Variants in TOGARAM2 observed in about 807,000 individuals in gnomAD.
TOGARAM2 encodes the protein TOG array regulator of axonemal microtubules 2.
Under a neutral mutation model 93.3 loss-of-function variants are expected in TOGARAM2, and 85 were observed. That is an observed-to-expected ratio of 0.91 (90% CI 0.76 to 1.09). The LOEUF (loss-of-function observed/expected upper bound fraction) is 1.09. Among genes scored for constraint, TOGARAM2 ranks in the 50% least tolerant of loss-of-function variants. The probability of loss-of-function intolerance (pLI) is 0.00; values close to 1 mark genes in which losing one functional copy is unlikely to be tolerated. For missense variants in TOGARAM2, 1,277 were observed against 1,334.5 expected, an observed-to-expected ratio of 0.96 and a Z score of 0.67; for synonymous variants, 593 against 552.8, an observed-to-expected ratio of 1.07 and a Z score of -1.02.
In TOGARAM2 at chr2:29,026,969, A is replaced by T; in HGVS notation, c.1970A>T (p.His657Leu). ...GTRDSTDMLV[H>L]NLVRLAQDSN... Reference sequence around the variant, plus strand: ...AGAGACAGCACAGACATGTTGGTGCACAACCTGGTGAGGCTGGCACAGGAC... The same window carrying T: ...AGAGACAGCACAGACATGTTGGTGCTCAACCTGGTGAGGCTGGCACAGGAC... The change falls in exon 14 of 20, where the codon CAC becomes CTC. Residue 657 changes from histidine (H) to leucine (L), a missense_variant. His to Leu is a moderately conservative substitution (Grantham distance 99). Coordinates refer to ENST00000379558, the MANE Select transcript of TOGARAM2 (RefSeq NM_199280.4). The T allele has an allele frequency of 1.3e-6, 2 of 1,567,778 alleles. No individual in the cohort carries two copies. Among genetic ancestry groups the T allele is most frequent in the Non-Finnish European group, 1.7e-6 (2 of 1,156,196 alleles).
chr2:28,998,916 C>T (rs1163335537), intron 3 of TOGARAM2, among the ~76,000 whole-genome samples: 3 of 152,124 alleles, frequency 2.0e-5, no homozygotes, highest in Non-Finnish European at 2.9e-5. Flanking sequence ...GATTCACGGC[C>T]TCTTGTCTGT....
chr2:29,052,032 A>G lies in TOGARAM2; in HGVS notation c.2999A>G (p.Asp1000Gly). The change falls in exon 20 of 20, where the codon GAC (aspartate) becomes GGC (glycine). Residue 1000 changes from aspartate (D) to glycine (G), a missense_variant. Physicochemically the swap from Asp to Gly is moderately conservative, Grantham distance 94. Transcript: ENST00000379558. ...TTGGGAGGCAGCCGCAAGGCCACTG[A>G]CAGAGGGGTGGCCCCTGACAGCAAG... is the stretch of plus-strand genomic sequence containing the variant. ...ESLGGSRKAT[D>G]RGVAPDSKTT... 1 of 1,611,114 alleles carries G rather than the reference A, an allele frequency of 6.2e-7. No individual in the cohort carries two copies. Among genetic ancestry groups the G allele is most frequent in the Non-Finnish European group, 8.5e-7 (1 of 1,178,022 alleles).
chr2:28,991,295 T>G (rs1481081985), intron 1 of TOGARAM2, among the ~76,000 whole-genome samples: 1 of 152,132 alleles, frequency 6.6e-6, no homozygotes, highest in Non-Finnish European at 1.5e-5. Context: ...CTGGGAGTTC[T>G]GAGTTGGACA....
At chr2:28,972,021 A>T (rs1671952102) in intron 1 of TOGARAM2, among the ~76,000 whole-genome samples, 2 of 152,188 alleles carry the variant, frequency 1.3e-5, no homozygotes, top group South Asian at 4.1e-4. Context: ...GTCGTAATAC[A>T]CAGTGTATAT....
intron 13 of TOGARAM2, 55 bp downstream of exon 13, chr2:29,024,429 G>A: frequency 6.8e-7 from 1 of 1,477,248 alleles, no homozygotes; most frequent in Non-Finnish European, 9.3e-7. Flanking sequence ...GTAAGGCAAG[G>A]GGAGAGGCCC....
intron 1 of TOGARAM2, among the ~76,000 whole-genome samples, chr2:28,960,266 G>A (rs952576038): frequency 2.0e-5 from 3 of 152,152 alleles, no homozygotes; most frequent in African/African-American, 2.4e-5. Context: ...TCAGGGTGAC[G>A]TGCCTACAGA....
chr2:29,018,125 C>A, intron 10 of TOGARAM2, 169 bp downstream of exon 10: 1 of 711,482 alleles, frequency 1.4e-6, no homozygotes. Context: ...GAAACAGTGT[C>A]AGGGACTCAT....
At chr2:28,958,035 A>G (rs886565623) in intron 1 of TOGARAM2, among the ~76,000 whole-genome samples, 2 of 152,198 alleles carry the variant, frequency 1.3e-5, no homozygotes, top group African/African-American at 4.8e-5. Flanking sequence ...AAATTGATCT[A>G]TTAAGAGCCA....
chr2:29,005,813 TGA>T (rs1254028399), intron 6 of TOGARAM2, among the ~76,000 whole-genome samples: 11 of 148,394 alleles, frequency 7.4e-5, no homozygotes, highest in African/African-American at 2.8e-4. Flanking sequence ...TGCATGTGTG[TGA>T]GTGCATGTGT....
upstream of TOGARAM2, among the ~76,000 whole-genome samples, chr2:28,979,051 C>G (rs1285085564): frequency 1.3e-5 from 2 of 152,186 alleles, no homozygotes; most frequent in African/African-American, 4.8e-5. Context: ...GTGTCCCTTT[C>G]TTTCTGAGGT....
At chr2:29,051,529 G>T in intron 19 of TOGARAM2, 1 of 396,688 alleles carries the variant, frequency 2.5e-6, no homozygotes, top group Non-Finnish European at 4.4e-6. Context: ...TTTCTGACTG[G>T]TTGGTATAAG....
intron 1 of TOGARAM2, among the ~76,000 whole-genome samples, 198 bp downstream of exon 1, chr2:28,981,736 C>T (rs1672203074): frequency 6.6e-6 from 1 of 152,240 alleles, no homozygotes; most frequent in Admixed American, 6.5e-5. Context: ...TCTGGGCCTT[C>T]ATGTGGCAGC....
chr2:29,004,904 ATG>A (rs1177887454), intron 6 of TOGARAM2, among the ~76,000 whole-genome samples: 3 of 70,948 alleles, frequency 4.2e-5, no homozygotes, highest in Admixed American at 1.7e-4. Context: ...GTGTGAGTGC[ATG>A]TGTGTGCATG....
rs545738572 is a variant in TOGARAM2 at position 29,004,150 on chromosome 2, T to C, written c.830+468T>C. ...GGCACCCACCACCATGCCCTGCTAATTTTTGTATTTTTAGTAGAGACGGGT... is the reference window on the plus strand; with the variant it reads ...GGCACCCACCACCATGCCCTGCTAACTTTTGTATTTTTAGTAGAGACGGGT... On this transcript the variant is annotated intron_variant, in intron 6 of 19. Transcript: ENST00000379558. Among the ~76,000 whole-genome samples, 100 of 152,258 alleles carry C rather than the reference T, an allele frequency of 6.6e-4. 2 individuals carry two copies. The highest frequency in any genetic ancestry group is 1.1e-3 in the Non-Finnish European group (75 of 68,026).
intron 12 of TOGARAM2, among the ~76,000 whole-genome samples, chr2:29,023,466 TA>T: frequency 6.6e-6 from 1 of 152,256 alleles, no homozygotes; most frequent in East Asian, 1.9e-4. Flanking sequence ...TCAAAATGCC[TA>T]AGGAGGGATG....
rs1233560909 is a variant in TOGARAM2 at position 29,005,503 on chromosome 2, G to A, written c.830+1821G>A. 5.4e-3 allele frequency among the ~76,000 whole-genome samples: 485 copies of A among 89,412 alleles called. 3 individuals carry two copies. The highest frequency in any genetic ancestry group is 6.9e-3 in the Non-Finnish European group (269 of 39,088). 58.7% of individuals were successfully genotyped at this position (89,412 alleles called of 152,430 possible). On this transcript the variant is annotated intron_variant, in intron 6 of 19. Coordinates refer to ENST00000379558, the MANE Select transcript of TOGARAM2 (RefSeq NM_199280.4). ...CATGTGTGCATGTGTGTGAGTGCATGTGTTTGTGTAACTACGTGTGTGAAG... is the reference window on the plus strand; with the variant it reads ...CATGTGTGCATGTGTGTGAGTGCATATGTTTGTGTAACTACGTGTGTGAAG...
upstream of TOGARAM2, among the ~76,000 whole-genome samples, chr2:28,977,330 C>T (rs1156614369): frequency 6.6e-6 from 1 of 152,134 alleles, no homozygotes; most frequent in African/African-American, 2.4e-5. Flanking sequence ...ATGGGGGAGG[C>T]GCCTGAGCAT....
At chr2:29,021,513 G>A (rs1664944187) in intron 10 of TOGARAM2, among the ~76,000 whole-genome samples, 1 of 152,202 alleles carries the variant, frequency 6.6e-6, no homozygotes, top group African/African-American at 2.4e-5. Context: ...TGTCCTAGGA[G>A]TTTATGATTT....
At chr2:29,022,799 G>T (rs986505899) in intron 11 of TOGARAM2, among the ~76,000 whole-genome samples, 29 of 152,200 alleles carry the variant, frequency 1.9e-4, no homozygotes, top group Non-Finnish European at 3.1e-4. Flanking sequence ...GAAGGTGTTG[G>T]CTTTGTGTCA....
Sources: allele counts gnomAD v4.1 joint callset (sites outside exome capture counted in the v4.1 genomes callset), GRCh38; gene constraint gnomAD v4.1.1; transcripts MANE v1.5; gene names NCBI Gene and HGNC (gene_info 2026-07-23, HGNC 2026-07-21).